The following TSPEAR variants were observed in gnomAD, a reference collection of about 807,000 sequenced individuals.
The protein encoded by TSPEAR is thrombospondin type laminin G domain and EAR repeats.
In TSPEAR, 69 loss-of-function variants were observed where a neutral mutation model predicts 71.6. That is an observed-to-expected ratio of 0.96 (90% CI 0.79 to 1.18). The LOEUF (loss-of-function observed/expected upper bound fraction) is 1.18, where lower values mean the gene tolerates loss of function less well. TSPEAR is among the 50% of genes most tolerant of loss of function. TSPEAR has a pLI of 0.00. For synonymous variants in TSPEAR, 402 were observed against 387.2 expected (o/e 1.04, Z -0.45); for missense variants, 971 against 894.9 (o/e 1.09, Z -1.09).
At position 44,710,212 on chromosome 21, in the gene TSPEAR, G is replaced by T. The variant is rs577042324; in HGVS notation, c.82+1221C>A. ...TTTTGCTCTGCGACAAGCTGACTTG[G>T]CTCTCGTATTGTTTGCAGAATCACC... On this transcript the variant is annotated intron_variant, in intron 1 of 11. Coordinates refer to ENST00000323084, the MANE Select transcript of TSPEAR (RefSeq NM_144991.3). The surrounding 1 kb of genome is among the most constrained non-coding windows in gnomAD (Gnocchi z 4.6). Among the ~76,000 whole-genome samples, 2 of 152,318 alleles carry T rather than the reference G, an allele frequency of 1.3e-5. No individual in the cohort carries two copies. Among genetic ancestry groups the T allele is most frequent in the East Asian group, 3.9e-4 (2 of 5,172 alleles).
chr21:44,637,634 C>T lies in TSPEAR; in HGVS notation c.83-69629G>A, dbSNP rs782067920. On this transcript the variant is annotated intron_variant, in intron 1 of 11. Transcript: ENST00000323084. ...AGGCTACACCAGCTCCTGCACAACC[C>T]CATGCTACCAGCAGTCTAGCTGCCA... The T allele has an allele frequency of 3.7e-6, 6 of 1,613,890 alleles. No homozygotes were observed. The Admixed American group carries it at 5.0e-5, about 13-fold the overall frequency.
chr21:44,633,617 T>C (rs1422200339), intron 1 of TSPEAR, among the ~76,000 whole-genome samples: 1 of 152,232 alleles, frequency 6.6e-6, no homozygotes, highest in African/African-American at 2.4e-5. Context: ...TAATTTTAAA[T>C]TTATTGAGAC....
chr21:44,629,508 C>T (rs1555935331), intron 1 of TSPEAR, among the ~76,000 whole-genome samples: 1 of 152,188 alleles, frequency 6.6e-6, no homozygotes, highest in African/African-American at 2.4e-5. Flanking sequence ...ATCCATAGGA[C>T]CTTAACTTAG....
intron 1 of TSPEAR, chr21:44,580,495 C>T (rs1555924936): frequency 1.2e-6 from 2 of 1,613,378 alleles, no homozygotes; most frequent in East Asian, 2.2e-5. Flanking sequence ...CGCAGGGGGG[C>T]TCACAGCAGC....
intron 1 of TSPEAR, among the ~76,000 whole-genome samples, chr21:44,690,939 A>C (rs781923176): frequency 6.6e-6 from 1 of 152,192 alleles, no homozygotes; most frequent in Non-Finnish European, 1.5e-5. Flanking sequence ...AAAGTAGTGG[A>C]AATATTTTTT....
intron 8 of TSPEAR, among the ~76,000 whole-genome samples, chr21:44,524,039 G>T (rs2052793950): frequency 6.6e-6 from 1 of 150,390 alleles, no homozygotes; most frequent in African/African-American, 2.5e-5. Context: ...TTAGTCAGTT[G>T]TCAGGTAGTC....
In TSPEAR at chr21:44,697,375, A is replaced by G. The variant is rs199953303; in HGVS notation, c.82+14058T>C. 8.5e-4 allele frequency: 1,363 copies of G among 1,605,506 alleles called. 14 individuals carry two copies. The African/African-American group carries it at 0.015, about 18-fold the overall frequency. ...TGGTCTGCACCCCAGTGAGCCGTGT[A>G]TCCAGCCCCTGCTGCCGAGTGACCT... On this transcript the variant is annotated intron_variant, in intron 1 of 11. Coordinates refer to ENST00000323084, the MANE Select transcript of TSPEAR (RefSeq NM_144991.3).
At chr21:44,540,212 G>C (rs1341253730) in intron 2 of TSPEAR, 17 of 1,581,498 alleles carry the variant, frequency 1.1e-5, no homozygotes, top group Non-Finnish European at 1.4e-5. Flanking sequence ...GAGTCAGTGT[G>C]TGTGTGAGTG....
chr21:44,551,338 G>A (rs372107705), intron 2 of TSPEAR: 1 of 1,613,066 alleles, frequency 6.2e-7, no homozygotes, highest in East Asian at 2.2e-5. Flanking sequence ...GTCAGGCAGG[G>A]GGCTGGGGCA....
intron 1 of TSPEAR, among the ~76,000 whole-genome samples, chr21:44,640,286 C>T (rs1397738763): frequency 6.6e-6 from 1 of 152,218 alleles, no homozygotes; most frequent in Non-Finnish European, 1.5e-5. Context: ...GCATGATGCT[C>T]AGCGAGTGGC....
At chr21:44,530,657 C>T (rs117185437) in intron 4 of TSPEAR, among the ~76,000 whole-genome samples, 2,250 of 152,358 alleles carry the variant, frequency 0.015, 31 homozygotes, top group Non-Finnish European at 0.024. Context: ...ACAAAGGCCT[C>T]TAGCCTCATG....
chr21:44,527,842 C>T (rs11910795), intron 6 of TSPEAR, among the ~76,000 whole-genome samples: 1 of 152,192 alleles, frequency 6.6e-6, no homozygotes. Flanking sequence ...ACGTGCTGGG[C>T]GGAACCCATG....
intron 2 of TSPEAR, chr21:44,558,442 A>T (rs1601414789): frequency 6.2e-7 from 1 of 1,613,580 alleles, no homozygotes; most frequent in Non-Finnish European, 8.5e-7. Flanking sequence ...CAGGGGGAGG[A>T]TGTGCAGCAA....
chr21:44,545,976 A>T (rs931399972), intron 2 of TSPEAR, among the ~76,000 whole-genome samples: 6 of 152,344 alleles, frequency 3.9e-5, no homozygotes, highest in African/African-American at 1.4e-4. Flanking sequence ...TGGTTCTTTA[A>T]GAAGAGCAAC....
intron 2 of TSPEAR, among the ~76,000 whole-genome samples, chr21:44,560,800 A>C (rs2053621279): frequency 6.6e-6 from 1 of 152,334 alleles, no homozygotes; most frequent in East Asian, 1.9e-4. Context: ...CAAAGAGACA[A>C]TGTCCCAGAA....
chr21:44,545,787 T>A (rs1555917695), intron 2 of TSPEAR, among the ~76,000 whole-genome samples: 2 of 152,078 alleles, frequency 1.3e-5, no homozygotes, highest in African/African-American at 4.8e-5. Context: ...GATAACTGAA[T>A]GCTTACATTT....
intron 5 of TSPEAR, among the ~76,000 whole-genome samples, chr21:44,529,230 G>A (rs2052917701): frequency 6.6e-6 from 1 of 152,238 alleles, no homozygotes; most frequent in Non-Finnish European, 1.5e-5. Flanking sequence ...GGATGCGGCG[G>A]GGAGGGGCAT....
chr21:44,650,747 G>T (rs1316650596), intron 1 of TSPEAR, among the ~76,000 whole-genome samples: 1 of 152,230 alleles, frequency 6.6e-6, no homozygotes, highest in African/African-American at 2.4e-5. Context: ...CCCCAGTGAG[G>T]GTGGAGAGTC....
In TSPEAR at chr21:44,627,296, G is replaced by C. The variant is rs368290603; in HGVS notation, c.83-59291C>G. On this transcript the variant is annotated intron_variant, in intron 1 of 11. Transcript: ENST00000323084. Reference sequence around the variant, plus strand: ...ACCAGCTGCTGCGCCCCGGCCCCCTGCCTGACCCTGGTCTGCACCCCAGTG... The same window carrying C: ...ACCAGCTGCTGCGCCCCGGCCCCCTCCCTGACCCTGGTCTGCACCCCAGTG... The C allele has an allele frequency of 2.7e-5, 43 of 1,612,478 alleles. No homozygotes were observed. Among genetic ancestry groups the C allele is most frequent in the East Asian group, 2.0e-4 (9 of 44,880 alleles).
Sources: allele counts gnomAD v4.1 joint callset (sites outside exome capture counted in the v4.1 genomes callset), GRCh38; gene constraint gnomAD v4.1.1; non-coding constraint Gnocchi (gnomAD v3.1); transcripts MANE v1.5; gene names NCBI Gene and HGNC (gene_info 2026-07-23, HGNC 2026-07-21).